ASXL2: variants seen among roughly 807,000 people sequenced by gnomAD.
ASXL2 encodes ASXL transcriptional regulator 2.
A neutral mutation model predicts 122.0 loss-of-function variants in ASXL2; 23 were observed. The observed-to-expected ratio is 0.19, with a 90% CI of 0.14 to 0.27. ASXL2 has a LOEUF of 0.27. Ranked by LOEUF, ASXL2 falls within the 10% of genes least tolerant of loss-of-function variation. The pLI, the probability that ASXL2 is intolerant of heterozygous loss-of-function variation, is 1.00. For synonymous variants in ASXL2, 650 were observed against 637.0 expected, an observed-to-expected ratio of 1.02 and a Z score of -0.31; for missense variants, 1,518 against 1,713.8, an observed-to-expected ratio of 0.89 and a Z score of 2.02.
At chr2:25,866,147 T>G (rs2149202196) in intron 1 of ASXL2, among the ~76,000 whole-genome samples, 1 of 151,856 alleles carries the variant, frequency 6.6e-6, no homozygotes, top group South Asian at 2.1e-4. Context: ...TTTTTTTTTT[T>G]TTGAGGTGGA....
chr2:25,848,480 G>A (rs1023665799), intron 1 of ASXL2, among the ~76,000 whole-genome samples: 3 of 152,052 alleles, frequency 2.0e-5, no homozygotes, highest in Non-Finnish European at 4.4e-5. Context: ...AAAAGTAGCT[G>A]GGCGTGGTGG....
intron 12 of ASXL2, among the ~76,000 whole-genome samples, chr2:25,749,336 C>T (rs2149140370): frequency 6.6e-6 from 1 of 152,274 alleles, no homozygotes; most frequent in Middle Eastern, 3.4e-3. Flanking sequence ...AGTTGGCTGT[C>T]AATGTTCTAC....
intron 5 of ASXL2, 48 bp from the exon 6 acceptor site, chr2:25,771,588 C>A: frequency 6.9e-7 from 1 of 1,446,690 alleles, no homozygotes; most frequent in Non-Finnish European, 9.6e-7. Flanking sequence ...ACAGAGATAC[C>A]AAGCACCATT....
chr2:25,841,965 A>G (rs547207222), intron 2 of ASXL2, among the ~76,000 whole-genome samples: 8 of 150,996 alleles, frequency 5.3e-5, no homozygotes, highest in Non-Finnish European at 1.0e-4. Context: ...AAAAAAAATT[A>G]GCCAGGCATG....
At chr2:25,835,123 C>A (rs2089494144) in intron 3 of ASXL2, among the ~76,000 whole-genome samples, 1 of 152,140 alleles carries the variant, frequency 6.6e-6, no homozygotes, top group African/African-American at 2.4e-5. Flanking sequence ...CCATGCCCAG[C>A]CGATTTACCA....
chr2:25,807,986 T>TATACACACACACAC (rs368346154), intron 3 of ASXL2, among the ~76,000 whole-genome samples: 1 of 131,728 alleles, frequency 7.6e-6, no homozygotes, highest in African/African-American at 2.9e-5. Context: ...AATCAGCTTT[T>TATACACACACACAC]ACACACACAC....
intron 1 of ASXL2, among the ~76,000 whole-genome samples, chr2:25,858,551 C>T (rs957363767): frequency 2.0e-5 from 3 of 151,696 alleles, no homozygotes; most frequent in Non-Finnish European, 4.4e-5. Context: ...GGTGAAACCC[C>T]ATCTCTACTA....
At chr2:25,851,772 T>A (rs2089718203) in intron 1 of ASXL2, among the ~76,000 whole-genome samples, 1 of 152,188 alleles carries the variant, frequency 6.6e-6, no homozygotes, top group Admixed American at 6.5e-5. Context: ...ACGCCTGTTA[T>A]CCCAGCTACT....
intron 2 of ASXL2, among the ~76,000 whole-genome samples, chr2:25,836,811 T>C (rs1162797884): frequency 2.6e-5 from 4 of 152,252 alleles, no homozygotes; most frequent in East Asian, 1.9e-4. Context: ...TCATGAACCC[T>C]TGGGATCACT....
chr2:25,878,437 C>T lies in ASXL2; in HGVS notation c.-215G>A, dbSNP rs2090029382. On this transcript the variant is annotated 5_prime_UTR_variant, in exon 1 of 13. Coordinates refer to ENST00000435504, the MANE Select transcript of ASXL2 (RefSeq NM_018263.6). ...CTCTTGCTGCCGTTGCCACTGCTAC[C>T]GCCGCTGCCATATTGGGTTCTTACT... 3 of 594,506 alleles carry T rather than the reference C, an allele frequency of 5.0e-6. No homozygotes were observed. The African/African-American group carries it at 5.6e-5, about 11-fold the overall frequency. The allele number at this position is 594,506 out of a possible 1,614,324, so 36.8% of individuals were successfully genotyped here.
intron 2 of ASXL2, among the ~76,000 whole-genome samples, chr2:25,839,822 T>C (rs1453709933): frequency 6.6e-6 from 1 of 151,624 alleles, no homozygotes; most frequent in Non-Finnish European, 1.5e-5. Flanking sequence ...TACGAGGTAC[T>C]AATAATACCT....
At chr2:25,875,236 G>A (rs942237331) in intron 1 of ASXL2, among the ~76,000 whole-genome samples, 1 of 152,174 alleles carries the variant, frequency 6.6e-6, no homozygotes, top group Non-Finnish European at 1.5e-5. Context: ...TTTCTCTGGT[G>A]TCCTTAGTTA....
intron 1 of ASXL2, among the ~76,000 whole-genome samples, chr2:25,872,614 TAC>T (rs2149204598): frequency 6.6e-6 from 1 of 152,072 alleles, no homozygotes; most frequent in East Asian, 1.9e-4. Flanking sequence ...AAGATAGTAA[TAC>T]AAATATACAA....
In ASXL2 at chr2:25,740,995, G is replaced by A. The variant is rs1239742925; in HGVS notation, c.*1034C>T. 1 of 193,192 alleles carries A rather than the reference G, an allele frequency of 5.2e-6. No homozygotes were observed. The highest frequency in any genetic ancestry group is 1.1e-5 in the Non-Finnish European group (1 of 92,624). 12.0% of individuals were successfully genotyped at this position (193,192 alleles called of 1,614,324 possible). On this transcript the variant is annotated 3_prime_UTR_variant, in exon 13 of 13. Transcript: ENST00000435504. Reference sequence around the variant, plus strand: ...CTAGCACTAGGTTAACAGGTTGGGAGAGAAGAGGAAAAGAGAAGCGACCTT... The same window carrying A: ...CTAGCACTAGGTTAACAGGTTGGGAAAGAAGAGGAAAAGAGAAGCGACCTT...
chr2:25,848,592 C>T (rs2089678721), intron 1 of ASXL2, among the ~76,000 whole-genome samples: 1 of 151,938 alleles, frequency 6.6e-6, no homozygotes, highest in Admixed American at 6.6e-5. Flanking sequence ...CACTGCACTC[C>T]AGCCTGGGTG....
chr2:25,799,980 C>CAA (rs35716821), intron 4 of ASXL2, among the ~76,000 whole-genome samples: 55 of 94,820 alleles, frequency 5.8e-4, no homozygotes, highest in African/African-American at 1.4e-3. Context: ...CCCGTCTCTA[C>CAA]AAAAAAAAAA....
intron 5 of ASXL2, among the ~76,000 whole-genome samples, chr2:25,790,629 T>A (rs1027130650): frequency 2.0e-5 from 3 of 151,812 alleles, no homozygotes; most frequent in Non-Finnish European, 4.4e-5. Flanking sequence ...CAACAAATGG[T>A]TTTCAAAAGC....
At chr2:25,765,365 C>A (rs549272609) in intron 8 of ASXL2, among the ~76,000 whole-genome samples, 2 of 151,788 alleles carry the variant, frequency 1.3e-5, no homozygotes, top group African/African-American at 2.4e-5. Flanking sequence ...GGGCACCTGT[C>A]GTCCCAGCTA....
intron 3 of ASXL2, among the ~76,000 whole-genome samples, chr2:25,823,371 A>G (rs892675123): frequency 1.3e-5 from 2 of 152,216 alleles, no homozygotes; most frequent in Non-Finnish European, 2.9e-5. Flanking sequence ...AATGGCTGGA[A>G]CAAATTGGCT....
Sources: allele counts gnomAD v4.1 joint callset (sites outside exome capture counted in the v4.1 genomes callset), GRCh38; gene constraint gnomAD v4.1.1; transcripts MANE v1.5; gene names NCBI Gene and HGNC (gene_info 2026-07-23, HGNC 2026-07-21).